The following IQGAP3 variants were observed in gnomAD, a reference collection of about 807,000 sequenced individuals.
The protein encoded by IQGAP3 is IQ motif containing GTPase activating protein 3, also known as ras GTPase-activating-like protein IQGAP3.
A neutral mutation model predicts 208.2 loss-of-function variants in IQGAP3; 165 were observed. The observed-to-expected ratio is 0.79, with a 90% CI of 0.70 to 0.90. The LOEUF is 0.90. Ranked by LOEUF, IQGAP3 falls within the 40% of genes least tolerant of loss-of-function variation. The pLI is 0.00. For synonymous variants in IQGAP3, 703 were observed against 803.6 expected (o/e 0.87, Z 2.12); for missense variants, 1,811 against 2,043.1 (o/e 0.89, Z 2.19).
chr1:156,543,899 C>T (rs1336143488), intron 22 of IQGAP3, 82 bp downstream of exon 22: 12 of 1,196,640 alleles, frequency 1.0e-5, no homozygotes, highest in Middle Eastern at 2.0e-4. Flanking sequence ...GCTGTGCAGT[C>T]GCAGAAGGAT....
intron 4 of IQGAP3, among the ~76,000 whole-genome samples, chr1:156,565,271 T>A (rs1676350528): frequency 6.6e-6 from 1 of 152,208 alleles, no homozygotes; most frequent in South Asian, 2.1e-4. Context: ...ACAACTGTAA[T>A]GAGGCCTAAC....
intron 20 of IQGAP3, 23 bp downstream of exon 20, chr1:156,544,366 C>G (rs751404432): frequency 8.1e-6 from 13 of 1,596,930 alleles, no homozygotes; most frequent in Admixed American, 1.7e-5. Flanking sequence ...GAGAAAGGAG[C>G]CTGCCAAAAC....
chr1:156,534,441 G>A, intron 29 of IQGAP3, 60 bp downstream of exon 29: 1 of 1,260,928 alleles, frequency 7.9e-7, no homozygotes, highest in South Asian at 1.5e-5. Flanking sequence ...GAGGGGACAA[G>A]TGGGATGTCA....
intron 11 of IQGAP3, among the ~76,000 whole-genome samples, chr1:156,559,212 G>C (rs1676038074): frequency 6.6e-6 from 1 of 152,214 alleles, no homozygotes; most frequent in South Asian, 2.1e-4. Flanking sequence ...CTAAGGTGGT[G>C]AGCACAAGAT....
At chr1:156,556,827 T>C (rs1319299501) in intron 11 of IQGAP3, 134 bp from the exon 12 acceptor site, 8 of 810,938 alleles carry the variant, frequency 9.9e-6, no homozygotes, top group Non-Finnish European at 1.5e-5. Flanking sequence ...ATCTGCTAGG[T>C]TTAAAATGCA....
chr1:156,538,749 A>G, intron 26 of IQGAP3, 60 bp downstream of exon 26: 2 of 1,452,726 alleles, frequency 1.4e-6, no homozygotes, highest in South Asian at 1.2e-5. Context: ...AGGGTCCAAG[A>G]CACAGCTGAT....
intron 2 of IQGAP3, among the ~76,000 whole-genome samples, chr1:156,568,113 T>C (rs1399229977): frequency 6.6e-6 from 1 of 152,224 alleles, no homozygotes; most frequent in Non-Finnish European, 1.5e-5. Flanking sequence ...AAATATCACA[T>C]ATTTTAGATA....
chr1:156,566,411 A>G lies in IQGAP3; in HGVS notation c.261T>C (p.Asp87=). ...CCACCTGGTACCGCAGCTGCTCCAC[A>G]TCGTAGATCTTCTTCAAGGGAACCA... The part of the protein sequence containing the change: ...PSVVPLKKIY[D]VEQLRYQATG... The change falls in exon 3 of 38, where the codon GAT becomes GAC. Residue 87 remains aspartate, a synonymous_variant. Coordinates refer to ENST00000361170, the MANE Select transcript of IQGAP3 (RefSeq NM_178229.5). 2 of 1,614,168 alleles carry G rather than the reference A, an allele frequency of 1.2e-6. No individual in the cohort carries two copies. The highest frequency in any genetic ancestry group is 1.3e-5 in the African/African-American group (1 of 75,044).
intron 16 of IQGAP3, among the ~76,000 whole-genome samples, chr1:156,549,812 C>T (rs933824828): frequency 5.9e-5 from 9 of 152,104 alleles, no homozygotes; most frequent in Non-Finnish European, 1.3e-4. Context: ...CACCAAACAT[C>T]AGCACACCCC....
At position 156,572,495 on chromosome 1, in the gene IQGAP3, G is replaced by A. The variant is rs1210021803; in HGVS notation, c.35C>T (p.Ala12Val). 1.2e-6 allele frequency: 2 copies of A among 1,610,974 alleles called. No homozygotes were observed. The highest frequency in any genetic ancestry group is 1.7e-5 in the Admixed American group (1 of 60,010). ...ERRAAGPGWAAYERLTAEEMD... is the reference protein window; with the variant it reads ...ERRAAGPGWAVYERLTAEEMD... Reference sequence around the variant, plus strand: ...TCTCTGACCCTCTCCGCACTCACAGGCTGCCCAGCCTGGGCCCGCTGCTCT... The same window carrying A: ...TCTCTGACCCTCTCCGCACTCACAGACTGCCCAGCCTGGGCCCGCTGCTCT... The change falls in exon 1 of 38, where the codon GCC becomes GTC. Residue 12 changes from alanine (A) to valine (V), a missense_variant and splice_region_variant. Ala to Val is a moderately conservative substitution (Grantham distance 64). Coordinates refer to ENST00000361170, the MANE Select transcript of IQGAP3 (RefSeq NM_178229.5).
rs558860611 is a variant in IQGAP3, at chr1:156,550,758, G to T, written c.1735-407C>A. Among the ~76,000 whole-genome samples, 6 of 152,170 alleles carry T rather than the reference G, an allele frequency of 3.9e-5. No individual in the cohort carries two copies. In the South Asian group the frequency reaches 1.0e-3, roughly 26 times the overall value. ...ACGCCCCACTCCCCTATGCCTCATT[G>T]CACACCTTCTCAGGCCAATCCTGAC... On this transcript the variant is annotated intron_variant, in intron 15 of 37. Transcript: ENST00000361170.
intron 31 of IQGAP3, among the ~76,000 whole-genome samples, 179 bp downstream of exon 31, chr1:156,533,594 C>T (rs1196859904): frequency 6.6e-6 from 1 of 152,174 alleles, no homozygotes; most frequent in Non-Finnish European, 1.5e-5. Flanking sequence ...TGTCTGTCTA[C>T]CTTCTCCACA....
chr1:156,547,410 C>G (rs1557931719), intron 19 of IQGAP3, among the ~76,000 whole-genome samples: 1 of 151,642 alleles, frequency 6.6e-6, no homozygotes, highest in Non-Finnish European at 1.5e-5. Flanking sequence ...CACACACACA[C>G]ACACACACAC....
Position 156,538,832 on chromosome 1 carries a change from A to G in IQGAP3, c.3258T>C (p.Thr1086=). 6.2e-7 allele frequency: 1 copy of G among 1,614,146 alleles called. No individual in the cohort carries two copies. The highest frequency in any genetic ancestry group is 8.5e-7 in the Non-Finnish European group (1 of 1,180,006). The change falls in exon 26 of 38, where the codon ACT becomes ACC. Residue 1086 remains threonine, a synonymous_variant. Transcript: ENST00000361170. ...VHLYKNWINQ[T]EAQTGQRSHL... ...ACCTGCGCTGCCCTGTCTGGGCCTC[A>G]GTCTGGTTGATCCAGTTCTTATAGA...
At position 156,572,502 on chromosome 1, in the gene IQGAP3, A is replaced by G. The variant is rs60225867; in HGVS notation, c.28T>C (p.Trp10Arg). The change falls in exon 1 of 38, where the codon TGG becomes CGG. Residue 10 changes from tryptophan to arginine, a missense_variant. Coordinates refer to ENST00000361170, the MANE Select transcript of IQGAP3 (RefSeq NM_178229.5). MERRAAGPGWAAYERLTAEE... is the reference protein window; with the variant it reads MERRAAGPGRAAYERLTAEE... Reference sequence around the variant, plus strand: ...CCCTCTCCGCACTCACAGGCTGCCCAGCCTGGGCCCGCTGCTCTCCTCTCC... The same window carrying G: ...CCCTCTCCGCACTCACAGGCTGCCCGGCCTGGGCCCGCTGCTCTCCTCTCC... The G allele has an allele frequency of 0.011, 18,257 of 1,611,516 alleles. 1,819 individuals carry two copies. The African/African-American group carries it at 0.22, about 19-fold the overall frequency.
At position 156,528,909 on chromosome 1, in the gene IQGAP3, C is replaced by A. The variant is rs1674243986; in HGVS notation, c.4571+7G>T. 6.2e-7 allele frequency: 1 copy of A among 1,614,028 alleles called. No homozygotes were observed. The highest frequency in any genetic ancestry group is 1.3e-5 in the African/African-American group (1 of 74,932). ...TAACCTTCCAAGTACGGGAAAGCAG[C>A]ACCTACTTGGAGTCGGGGGCCAGGT... is the stretch of plus-strand genomic sequence containing the variant. On this transcript the variant is annotated splice_region_variant and intron_variant, in intron 35 of 37. Coordinates refer to ENST00000361170, the MANE Select transcript of IQGAP3 (RefSeq NM_178229.5).
In IQGAP3 at chr1:156,525,685, T is replaced by C. The variant is rs1344206011; in HGVS notation, c.*801A>G. 7.8e-6 allele frequency: 1 copy of C among 127,466 alleles called. No homozygotes were observed. Among genetic ancestry groups the C allele is most frequent in the Non-Finnish European group, 1.5e-5 (1 of 64,594 alleles). 7.9% of individuals were successfully genotyped at this position (127,466 alleles called of 1,614,324 possible). On this transcript the variant is annotated 3_prime_UTR_variant, in exon 38 of 38. Transcript: ENST00000361170. ...TAAATCCAAGGTAAAAAACACGGCA[T>C]GGGTATTAGTTTGAATAGGGAAAAT... is the stretch of plus-strand genomic sequence containing the variant.
rs748745116 is a variant in IQGAP3, at chr1:156,566,430, G to C, written c.242C>G (p.Pro81Arg). Reference sequence around the variant, plus strand: ...CTCCACATCGTAGATCTTCTTCAAGGGAACCACGGAGGGTGCAAAACAGTG... The same window carrying C: ...CTCCACATCGTAGATCTTCTTCAAGCGAACCACGGAGGGTGCAAAACAGTG... ...LGHCFAPSVV[P>R]LKKIYDVEQL... Residue 81 changes from proline to arginine, a missense_variant, in exon 3 of 38, where the codon CCC (proline) becomes CGC (arginine). Transcript: ENST00000361170. 6 of 1,613,934 alleles carry C rather than the reference G, an allele frequency of 3.7e-6. No individual in the cohort carries two copies. The highest frequency in any genetic ancestry group is 5.1e-6 in the Non-Finnish European group (6 of 1,180,014).
intron 32 of IQGAP3, among the ~76,000 whole-genome samples, chr1:156,531,606 T>G (rs77840409): frequency 6.7e-6 from 1 of 148,986 alleles, no homozygotes; most frequent in African/African-American, 2.5e-5. Flanking sequence ...CTCACTTGTT[T>G]TTTTTTTTTT....
Sources: allele counts gnomAD v4.1 joint callset (sites outside exome capture counted in the v4.1 genomes callset), GRCh38; gene constraint gnomAD v4.1.1; transcripts MANE v1.5; gene names NCBI Gene and HGNC (gene_info 2026-07-23, HGNC 2026-07-21).